Variants in MATN2 observed in about 807,000 individuals in gnomAD.
The protein encoded by MATN2 is matrilin 2.
A neutral mutation model predicts 103.2 loss-of-function variants in MATN2; 69 were observed. The ratio of observed to expected loss-of-function variants is 0.67; its 90% confidence interval spans 0.55 to 0.82. The LOEUF is 0.82. MATN2 is among the 40% of genes least tolerant of loss of function. The pLI is 0.00. For missense variants in MATN2, 1,023 were observed against 1,211.5 expected (o/e 0.84, Z 2.31); for synonymous variants, 429 against 450.2 (o/e 0.95, Z 0.60).
chr8:97,924,756 T>C (rs1463100302), intron 2 of MATN2, among the ~76,000 whole-genome samples: 4 of 147,052 alleles, frequency 2.7e-5, no homozygotes, highest in Non-Finnish European at 6.0e-5. Flanking sequence ...TGGCAGGAGG[T>C]AGGCAAGTTT....
chr8:98,033,970 G>A (rs1244570395), intron 18 of MATN2, among the ~76,000 whole-genome samples: 1 of 152,130 alleles, frequency 6.6e-6, no homozygotes, highest in Non-Finnish European at 1.5e-5. Context: ...GTCTCTGCTA[G>A]GAAGGTGTGT....
chr8:97,967,863 T>C lies in MATN2; in HGVS notation c.958+6333T>C, dbSNP rs192728501. On this transcript the variant is annotated intron_variant, in intron 5 of 18. Coordinates refer to ENST00000254898, the MANE Select transcript of MATN2 (RefSeq NM_002380.5). Reference sequence around the variant, plus strand: ...CCCCAGTAGGGACTCTGTATGAGAGTTCCAACCCTACATTTCCCTTTGGCA... The same window carrying C: ...CCCCAGTAGGGACTCTGTATGAGAGCTCCAACCCTACATTTCCCTTTGGCA... 9.2e-5 allele frequency among the ~76,000 whole-genome samples: 14 copies of C among 152,262 alleles called. No individual in the cohort carries two copies. The East Asian group carries it at 2.7e-3, about 29-fold the overall frequency.
chr8:98,034,317 G>T (rs1021455034), intron 18 of MATN2: 2 of 402,618 alleles, frequency 5.0e-6, no homozygotes, highest in Non-Finnish European at 1.0e-5. Flanking sequence ...TTTACATATT[G>T]AACACCCTGC....
chr8:98,028,997 G>A (rs1350580223), intron 14 of MATN2, among the ~76,000 whole-genome samples: 1 of 152,206 alleles, frequency 6.6e-6, no homozygotes, highest in Non-Finnish European at 1.5e-5. Context: ...TATGGACCCA[G>A]TGCCTAGATC....
chr8:97,923,977 A>G (rs1809901855), intron 2 of MATN2, among the ~76,000 whole-genome samples: 1 of 152,144 alleles, frequency 6.6e-6, no homozygotes. Context: ...TCCAACTCCA[A>G]CAATTCTGTG....
rs766539832 is a variant in MATN2, at chr8:98,033,656, C to T, written c.2812C>T (p.Arg938Cys). ...ANEEVRKLTQRLEEMTQRMEA... is the reference protein window; with the variant it reads ...ANEEVRKLTQCLEEMTQRMEA... The stretch of plus-strand genomic sequence containing the variant: ...CGAAGAAGTAAGAAAATTAACACAG[C>T]GCTATATCCTTTTCTTGCATTATGC... The change falls in exon 18 of 19, where the codon CGC becomes TGC. Residue 938 changes from arginine (R) to cysteine (C), a missense_variant. Transcript: ENST00000254898. 1.3e-5 allele frequency: 20 copies of T among 1,584,188 alleles called. No individual in the cohort carries two copies. Among genetic ancestry groups the T allele is most frequent in the Non-Finnish European group, 1.6e-5 (18 of 1,158,666 alleles).
At chr8:97,882,271 T>C (rs1476872619) in intron 1 of MATN2, among the ~76,000 whole-genome samples, 2 of 151,948 alleles carry the variant, frequency 1.3e-5, no homozygotes, top group Non-Finnish European at 2.9e-5. Context: ...TCATAATTCC[T>C]TTTTTTAATG....
intron 5 of MATN2, among the ~76,000 whole-genome samples, chr8:97,974,983 G>C (rs2130299527): frequency 1.3e-5 from 2 of 152,300 alleles, no homozygotes; most frequent in Middle Eastern, 6.8e-3. Context: ...TCAAGCGATG[G>C]TTGATGCAGT....
At chr8:97,922,637 G>A (rs1023122795) in intron 2 of MATN2, among the ~76,000 whole-genome samples, 3 of 152,242 alleles carry the variant, frequency 2.0e-5, no homozygotes, top group South Asian at 2.1e-4. Flanking sequence ...GGCTGAGGGG[G>A]ACAGGGCCAG....
intron 2 of MATN2, among the ~76,000 whole-genome samples, chr8:97,902,082 C>T (rs1005515814): frequency 2.6e-5 from 4 of 151,736 alleles, no homozygotes; most frequent in East Asian, 1.9e-4. Flanking sequence ...AGGCTGGTCT[C>T]GAACTCCTGG....
At chr8:97,929,432 AG>A (rs1164793889) in intron 2 of MATN2, among the ~76,000 whole-genome samples, 7 of 152,124 alleles carry the variant, frequency 4.6e-5, no homozygotes, top group Non-Finnish European at 8.8e-5. Context: ...ATGGGGGAGG[AG>A]GGACTCACCC....
intron 1 of MATN2, among the ~76,000 whole-genome samples, chr8:97,885,712 T>A (rs922423808): frequency 6.6e-6 from 1 of 151,974 alleles, no homozygotes; most frequent in African/African-American, 2.4e-5. Flanking sequence ...AGTTGGGGGA[T>A]CCCTCGAGCC....
intron 5 of MATN2, among the ~76,000 whole-genome samples, chr8:97,962,901 G>A (rs531645863): frequency 5.3e-5 from 8 of 152,310 alleles, no homozygotes; most frequent in South Asian, 2.1e-4. Context: ...ATGGGAGGCT[G>A]AGGCGGGCAG....
intron 13 of MATN2, among the ~76,000 whole-genome samples, chr8:98,021,958 A>G (rs1022708019): frequency 1.3e-5 from 2 of 152,234 alleles, no homozygotes; most frequent in Admixed American, 6.5e-5. Flanking sequence ...GAATTGGTAT[A>G]ACCTTTCAGA....
At chr8:97,955,532 C>T (rs1049952296) in intron 4 of MATN2, among the ~76,000 whole-genome samples, 2 of 152,214 alleles carry the variant, frequency 1.3e-5, no homozygotes, top group Non-Finnish European at 2.9e-5. Flanking sequence ...ACTTCAGAAT[C>T]ATCCCCAGCT....
intron 14 of MATN2, 63 bp downstream of exon 14, chr8:98,027,892 T>C (rs1048193429): frequency 6.8e-7 from 1 of 1,476,670 alleles, no homozygotes; most frequent in African/African-American, 1.4e-5. Flanking sequence ...ACTCACTCAG[T>C]GGTCTCAGCT....
chr8:97,916,620 C>A (rs543290630), intron 2 of MATN2, among the ~76,000 whole-genome samples: 2 of 152,314 alleles, frequency 1.3e-5, no homozygotes, highest in South Asian at 2.1e-4. Context: ...CTTATAAAAA[C>A]CACTGTTTCA....
intron 1 of MATN2, among the ~76,000 whole-genome samples, chr8:97,869,864 G>A (rs1158147806): frequency 6.6e-6 from 1 of 152,168 alleles, no homozygotes; most frequent in Non-Finnish European, 1.5e-5. Flanking sequence ...TTGGGGAGAG[G>A]ACAGAGAAAT....
intron 4 of MATN2, among the ~76,000 whole-genome samples, chr8:97,950,357 G>C (rs1810904257): frequency 6.6e-6 from 1 of 152,124 alleles, no homozygotes; most frequent in Non-Finnish European, 1.5e-5. Context: ...TGTTGAGTAG[G>C]GGAATTGAAC....
Sources: allele counts gnomAD v4.1 joint callset (sites outside exome capture counted in the v4.1 genomes callset), GRCh38; gene constraint gnomAD v4.1.1; transcripts MANE v1.5; gene names NCBI Gene and HGNC (gene_info 2026-07-23, HGNC 2026-07-21).